IGF2BP1: variants seen among roughly 807,000 people sequenced by gnomAD.
IGF2BP1 encodes insulin-like growth factor 2 mRNA-binding protein 1.
IGF2BP1 carries 11 observed loss-of-function variants against 74.9 expected under a neutral mutation model. That is an observed-to-expected ratio of 0.15 (90% confidence interval 0.09 to 0.24). IGF2BP1 has a LOEUF of 0.24. Ranked by LOEUF, IGF2BP1 falls within the 10% of genes least tolerant of loss-of-function variation. The pLI, the probability that IGF2BP1 is intolerant of heterozygous loss-of-function variation, is 1.00. For missense variants in IGF2BP1, 440 were observed against 757.4 expected (o/e 0.58, Z 4.92); for synonymous variants, 287 against 281.8 (o/e 1.02, Z -0.18).
chr17:49,014,650 C>A, intron 2 of IGF2BP1: 1 of 427,302 alleles, frequency 2.3e-6, no homozygotes, highest in Non-Finnish European at 3.1e-6. Context: ...GCCTGTTTCC[C>A]ACCGCAGGTC....
At chr17:49,025,849 TTTTCTTTC>T (rs1279111353) in intron 3 of IGF2BP1, among the ~76,000 whole-genome samples, 183 bp downstream of exon 3, 1 of 127,528 alleles carries the variant, frequency 7.8e-6, no homozygotes, top group East Asian at 2.0e-4. Flanking sequence ...TCTTTCTTTC[TTTTCTTTC>T]TTTTTTTTTT....
At chr17:49,000,036 T>G (rs1022157587) in intron 2 of IGF2BP1, among the ~76,000 whole-genome samples, 2 of 151,660 alleles carry the variant, frequency 1.3e-5, no homozygotes. Flanking sequence ...TTACCGAGAA[T>G]TCATGGTGGA....
intron 2 of IGF2BP1, among the ~76,000 whole-genome samples, chr17:49,019,933 TATATATATATATATATTTATATACAC>T (rs1217971066): frequency 3.2e-5 from 2 of 62,140 alleles, no homozygotes; most frequent in African/African-American, 1.7e-4. Context: ...TATATATATA[TATATATATATATATATTTATATACAC>T]ACACACACAC....
At chr17:49,005,724 A>G (rs1008295582) in intron 2 of IGF2BP1, among the ~76,000 whole-genome samples, 1 of 152,108 alleles carries the variant, frequency 6.6e-6, no homozygotes, top group East Asian at 1.9e-4. Flanking sequence ...GAGAACTTCA[A>G]ATTTTTTTTT....
At chr17:49,027,610 T>TG (rs1486660107) in intron 4 of IGF2BP1, among the ~76,000 whole-genome samples, 1 of 152,022 alleles carries the variant, frequency 6.6e-6, no homozygotes. Flanking sequence ...CCCAGCACTT[T>TG]GGGAGGCCGA....
Position 49,051,157 on chromosome 17 carries a change from T to A in IGF2BP1, c.*1713T>A, listed in dbSNP as rs957487290. 3 of 152,634 alleles carry A rather than the reference T, an allele frequency of 2.0e-5. No homozygotes were observed. The highest frequency in any genetic ancestry group is 4.8e-5 in the African/African-American group (2 of 41,460). 9.5% of individuals were successfully genotyped at this position (152,634 alleles called of 1,614,324 possible). On this transcript the variant is annotated 3_prime_UTR_variant, in exon 15 of 15. Transcript: ENST00000290341. ...CCCATTAAAAAAATTTTTTTTTGAT[T>A]TTTGTTTTTTTGCAGCTTGCTGATA...
chr17:49,017,194 A>T (rs1164006895), intron 2 of IGF2BP1, among the ~76,000 whole-genome samples: 1 of 152,020 alleles, frequency 6.6e-6, no homozygotes, highest in East Asian at 1.9e-4. Context: ...CTTGTTGAAG[A>T]GTCAGCAGAA....
At chr17:49,019,396 A>C (rs968223818) in intron 2 of IGF2BP1, among the ~76,000 whole-genome samples, 2 of 152,148 alleles carry the variant, frequency 1.3e-5, no homozygotes, top group African/African-American at 2.4e-5. Context: ...TCATTACTTC[A>C]TACTAGTTTC....
intron 2 of IGF2BP1, among the ~76,000 whole-genome samples, chr17:49,012,756 C>G (rs75969166): frequency 0.014 from 2,101 of 152,208 alleles, 33 homozygotes; most frequent in Non-Finnish European, 0.019. Flanking sequence ...TTTCTTTACA[C>G]AGGGTCTCCC....
At chr17:49,046,199 C>G in intron 13 of IGF2BP1, 61 bp from the exon 14 acceptor site, 1 of 1,498,488 alleles carries the variant, frequency 6.7e-7, no homozygotes, top group Non-Finnish European at 9.3e-7. Flanking sequence ...CCTGGCTCCT[C>G]CCTCCAACCC....
At chr17:49,019,054 C>G (rs946414890) in intron 2 of IGF2BP1, among the ~76,000 whole-genome samples, 4 of 152,120 alleles carry the variant, frequency 2.6e-5, no homozygotes, top group Non-Finnish European at 2.9e-5. Flanking sequence ...ACTGGCTTGC[C>G]CCACCCCAGT....
At chr17:49,017,272 C>CCCAAA (rs1012362299) in intron 2 of IGF2BP1, among the ~76,000 whole-genome samples, 1 of 152,244 alleles carries the variant, frequency 6.6e-6, no homozygotes, top group Non-Finnish European at 1.5e-5. Context: ...GTCCTCTTAT[C>CCCAAA]CCAAACCAAA....
At chr17:48,998,957 T>C (rs2041446757) in intron 1 of IGF2BP1, 152 bp from the exon 2 acceptor site, 2 of 620,340 alleles carry the variant, frequency 3.2e-6, no homozygotes, top group Non-Finnish European at 5.8e-6. Context: ...GCAACCTTTT[T>C]CCCATCTGGA....
At chr17:48,997,141 G>T (rs977592677), upstream of IGF2BP1, among the ~76,000 whole-genome samples, 2 of 152,126 alleles carry the variant, frequency 1.3e-5, no homozygotes, top group African/African-American at 4.8e-5. This position sits in a 1 kb window ranked among gnomAD's most constrained non-coding sequence, Gnocchi z 4.8. Context: ...GGGATGGGTG[G>T]GGGCGGGGCG....
Position 49,055,606 on chromosome 17 carries a change from C to A in IGF2BP1, c.*6162C>A. 2.5e-6 allele frequency: 1 copy of A among 398,580 alleles called. No individual in the cohort carries two copies. Among genetic ancestry groups the A allele is most frequent in the Non-Finnish European group, 4.4e-6 (1 of 226,066 alleles). The allele number at this position is 398,580 out of a possible 1,614,324, so 24.7% of individuals were successfully genotyped here. A position where few individuals can be genotyped will look rare whatever the true frequency, so the allele number is the denominator to read the frequency against. ...AAAGCACGTTCAAAATGAATTTCAG[C>A]AGATTATGTGTTACCATAATGAATA... On this transcript the variant is annotated 3_prime_UTR_variant, in exon 15 of 15. Coordinates refer to ENST00000290341, the MANE Select transcript of IGF2BP1 (RefSeq NM_006546.4).
At chr17:49,040,202 C>A (rs2042035335) in intron 7 of IGF2BP1, 111 bp downstream of exon 7, 6 of 1,183,946 alleles carry the variant, frequency 5.1e-6, no homozygotes, top group Non-Finnish European at 7.2e-6. Flanking sequence ...TCAGCAATTG[C>A]ACAAAAAGAT....
intron 10 of IGF2BP1, 118 bp downstream of exon 10, chr17:49,043,668 G>C (rs2042077827): frequency 5.8e-6 from 7 of 1,205,818 alleles, no homozygotes; most frequent in Non-Finnish European, 8.1e-6. Context: ...AGGGAAGGAA[G>C]GTCTCAGAGG....
In IGF2BP1 at chr17:49,051,758, C is replaced by T. The variant is rs1275192109; in HGVS notation, c.*2314C>T. 2 of 152,036 alleles carry T rather than the reference C, an allele frequency of 1.3e-5. No individual in the cohort carries two copies. The highest frequency in any genetic ancestry group is 2.9e-5 in the Non-Finnish European group (2 of 68,012). 9.4% of individuals were successfully genotyped at this position (152,036 alleles called of 1,614,324 possible). A position where few individuals can be genotyped will look rare whatever the true frequency, so the allele number is the denominator to read the frequency against. On this transcript the variant is annotated 3_prime_UTR_variant, in exon 15 of 15. Coordinates refer to ENST00000290341, the MANE Select transcript of IGF2BP1 (RefSeq NM_006546.4). ...TCTAAAAATATGGGAGCTGAGATTCCGTTCGTGGAAAAAAGACAAGGCCAC... is the reference window on the plus strand; with the variant it reads ...TCTAAAAATATGGGAGCTGAGATTCTGTTCGTGGAAAAAAGACAAGGCCAC...
chr17:49,042,164 T>C (rs1039860579), intron 8 of IGF2BP1, 78 bp from the exon 9 acceptor site: 37 of 1,581,864 alleles, frequency 2.3e-5, no homozygotes, highest in African/African-American at 2.7e-5. Context: ...GTGACTCAGC[T>C]GGCCTCTCGT....
Sources: gnomAD v4.1 joint callset for allele counts (sites outside exome capture counted in the v4.1 genomes callset) on GRCh38, gnomAD v4.1.1 for gene constraint, Gnocchi (gnomAD v3.1) non-coding constraint, MANE v1.5 for transcripts, NCBI Gene and HGNC (gene_info 2026-07-23, HGNC 2026-07-21) for gene names.